The following CAMK2D variants were observed in gnomAD, a reference collection of about 807,000 sequenced individuals.
CAMK2D encodes the protein calcium/calmodulin dependent protein kinase II delta, also known as calcium/calmodulin-dependent protein kinase type II subunit delta.
A neutral mutation model predicts 84.0 loss-of-function variants in CAMK2D; 37 were observed. The observed-to-expected ratio is 0.44, with a 90% CI of 0.34 to 0.58. The LOEUF (loss-of-function observed/expected upper bound fraction) is 0.58. Among genes scored for constraint, CAMK2D ranks in the 20% least tolerant of loss-of-function variants. CAMK2D has a pLI of 0.02. For missense variants in CAMK2D, 448 were observed against 652.5 expected (o/e 0.69, Z 3.41); for synonymous variants, 202 against 212.5 (o/e 0.95, Z 0.43).
At chr4:113,500,629 G>T in intron 15 of CAMK2D, 118 bp from the exon 16 acceptor site, 1 of 567,988 alleles carries the variant, frequency 1.8e-6, no homozygotes, top group South Asian at 2.5e-5. Flanking sequence ...ATGTGCATAT[G>T]CTGACATGCA....
At chr4:113,614,733 G>T (rs1335322688) in intron 3 of CAMK2D, among the ~76,000 whole-genome samples, 2 of 152,064 alleles carry the variant, frequency 1.3e-5, no homozygotes, top group Non-Finnish European at 2.9e-5. Context: ...ATTAAATCTG[G>T]GATGGGGATT....
intron 8 of CAMK2D, among the ~76,000 whole-genome samples, 158 bp downstream of exon 8, chr4:113,531,058 T>C (rs2098454977): frequency 6.6e-6 from 1 of 152,214 alleles, no homozygotes; most frequent in South Asian, 2.1e-4. Context: ...CACTCCAGCC[T>C]GGGCGACAGA....
chr4:113,747,118 CAG>C (rs1170100578), intron 2 of CAMK2D, among the ~76,000 whole-genome samples: 2 of 151,618 alleles, frequency 1.3e-5, no homozygotes, highest in Non-Finnish European at 2.9e-5. Flanking sequence ...ATTCTTCTAA[CAG>C]GGAAAAAATT....
intron 2 of CAMK2D, among the ~76,000 whole-genome samples, chr4:113,722,902 T>C (rs550890167): frequency 6.6e-6 from 1 of 152,136 alleles, no homozygotes; most frequent in African/African-American, 2.4e-5. Flanking sequence ...GGAAGTGAAG[T>C]AGGAGAGAGA....
intron 14 of CAMK2D, 21 bp downstream of exon 14, chr4:113,504,955 T>A: frequency 6.8e-7 from 1 of 1,462,758 alleles, no homozygotes; most frequent in Non-Finnish European, 9.1e-7. Context: ...TTAAGAAGGG[T>A]TACAAAGAGT....
At chr4:113,732,958 T>C (rs1010535929) in intron 2 of CAMK2D, among the ~76,000 whole-genome samples, 2 of 152,140 alleles carry the variant, frequency 1.3e-5, no homozygotes, top group Non-Finnish European at 2.9e-5. Flanking sequence ...AATTTCCAAA[T>C]GATTTCAAAT....
At chr4:113,590,938 T>C (rs1362382118) in intron 4 of CAMK2D, among the ~76,000 whole-genome samples, 2 of 152,204 alleles carry the variant, frequency 1.3e-5, no homozygotes, top group East Asian at 3.8e-4. Context: ...CTTCTACTTT[T>C]TGACTTATTT....
At chr4:113,724,253 TTTG>T (rs1329825059) in intron 2 of CAMK2D, among the ~76,000 whole-genome samples, 1 of 152,062 alleles carries the variant, frequency 6.6e-6, no homozygotes, top group African/African-American at 2.4e-5. Flanking sequence ...TTGTTAATTA[TTTG>T]TTATTGAAGT....
intron 4 of CAMK2D, among the ~76,000 whole-genome samples, chr4:113,603,828 A>G (rs2098966054): frequency 7.0e-6 from 1 of 143,224 alleles, no homozygotes; most frequent in East Asian, 2.3e-4. Flanking sequence ...GAGGCTGGGC[A>G]TGGTAGCTCA....
intron 7 of CAMK2D, among the ~76,000 whole-genome samples, chr4:113,533,438 G>C (rs1482743224): frequency 6.6e-6 from 1 of 152,006 alleles, no homozygotes; most frequent in African/African-American, 2.4e-5. Flanking sequence ...AATAGAAAAA[G>C]TAATGAGAGC....
intron 2 of CAMK2D, among the ~76,000 whole-genome samples, chr4:113,677,096 A>G (rs909619376): frequency 6.6e-6 from 1 of 152,186 alleles, no homozygotes; most frequent in Non-Finnish European, 1.5e-5. Flanking sequence ...GGCTGCTGGA[A>G]TACTAATCGC....
chr4:113,512,465 G>GAGTT (rs1304339689), intron 12 of CAMK2D, among the ~76,000 whole-genome samples: 1 of 152,154 alleles, frequency 6.6e-6, no homozygotes, highest in African/African-American at 2.4e-5. Context: ...GTAAATTCTT[G>GAGTT]AGTTAGATAC....
chr4:113,577,127 G>T (rs2098786831), intron 4 of CAMK2D, among the ~76,000 whole-genome samples: 1 of 151,952 alleles, frequency 6.6e-6, no homozygotes. Context: ...TGGGGTTTTG[G>T]TTTTCACATT....
chr4:113,507,652 C>A (rs2098147384), intron 13 of CAMK2D, among the ~76,000 whole-genome samples: 1 of 151,944 alleles, frequency 6.6e-6, no homozygotes, highest in Non-Finnish European at 1.5e-5. Flanking sequence ...AGGTGTTTTT[C>A]TTTTTTAAAA....
chr4:113,508,616 A>G (rs968895083), intron 13 of CAMK2D, among the ~76,000 whole-genome samples: 1 of 152,234 alleles, frequency 6.6e-6, no homozygotes, highest in African/African-American at 2.4e-5. Context: ...GAATGAAGAC[A>G]CAATTGCAGG....
intron 16 of CAMK2D, among the ~76,000 whole-genome samples, chr4:113,487,077 C>T (rs187271094): frequency 3.7e-4 from 56 of 152,318 alleles, no homozygotes; most frequent in Admixed American, 1.5e-3. Context: ...TATTTCTACA[C>T]AAGCTCTTTC....
chr4:113,659,154 G>A (rs1482792844), intron 3 of CAMK2D, among the ~76,000 whole-genome samples: 1 of 152,128 alleles, frequency 6.6e-6, no homozygotes, highest in Non-Finnish European at 1.5e-5. Context: ...AGGAAATGGA[G>A]GAAACTAGTT....
chr4:113,457,896 A>C (rs1018022492), intron 18 of CAMK2D, among the ~76,000 whole-genome samples: 4 of 152,246 alleles, frequency 2.6e-5, no homozygotes, highest in African/African-American at 9.6e-5. Flanking sequence ...ATAGAAGTGA[A>C]GAAGGCCTGG....
At chr4:113,758,980 CTT>C (rs933885370) in intron 2 of CAMK2D, 1 of 158,694 alleles carries the variant, frequency 6.3e-6, no homozygotes, top group African/African-American at 2.4e-5. Context: ...AGTTGTGAGA[CTT>C]ATATTTTTCC....
Sources: gnomAD v4.1 joint callset for allele counts (sites outside exome capture counted in the v4.1 genomes callset) on GRCh38, gnomAD v4.1.1 for gene constraint, MANE v1.5 for transcripts, NCBI Gene and HGNC (gene_info 2026-07-23, HGNC 2026-07-21) for gene names.